TTC23L: variants seen among roughly 807,000 people sequenced by gnomAD.
TTC23L encodes tetratricopeptide repeat protein 23-like.
TTC23L carries 42 observed loss-of-function variants against 48.1 expected under a neutral mutation model. The ratio of observed to expected loss-of-function variants is 0.87; its 90% CI spans 0.68 to 1.13. The LOEUF (loss-of-function observed/expected upper bound fraction) is 1.13, where lower values mean the gene tolerates loss of function less well. TTC23L is among the 50% of genes most tolerant of loss of function. The pLI, the probability that TTC23L is intolerant of heterozygous loss-of-function variation, is 0.00. For missense variants in TTC23L, 391 were observed against 421.0 expected (o/e 0.93, Z 0.62); for synonymous variants, 159 against 157.2 (o/e 1.01, Z -0.09).
At position 34,863,092 on chromosome 5, in the gene TTC23L, C is replaced by T; in HGVS notation, c.536+38C>T. The T allele has an allele frequency of 4.3e-6, 7 of 1,610,994 alleles. No individual in the cohort carries two copies. The highest frequency in any genetic ancestry group is 5.9e-6 in the Non-Finnish European group (7 of 1,178,178). ...TCCTAGCTGCGTTTAGTGTTCGGGG[C>T]CACAGGCCACACATGCCAGATGGGT... On this transcript the variant is annotated intron_variant, in intron 5 of 10. Transcript: ENST00000505624. The surrounding 1 kb of genome is among the most constrained non-coding windows in gnomAD (Gnocchi z 4.1).
intron 8 of TTC23L, among the ~76,000 whole-genome samples, chr5:34,870,925 C>T (rs778260828): frequency 2.3e-4 from 35 of 152,280 alleles, no homozygotes; most frequent in Middle Eastern, 6.8e-3. Context: ...TGACAATATT[C>T]GACATCCATT....
intron 4 of TTC23L, among the ~76,000 whole-genome samples, chr5:34,851,970 G>T (rs1759708677): frequency 6.6e-6 from 1 of 152,120 alleles, no homozygotes; most frequent in Admixed American, 6.5e-5. Flanking sequence ...GGAAAGTCAG[G>T]GAAGGCTGCC....
rs192287585 is a variant in TTC23L at position 34,852,090 on chromosome 5, G to T, written c.379+1782G>T. On this transcript the variant is annotated intron_variant, in intron 4 of 10. Coordinates refer to ENST00000505624, the Ensembl canonical transcript of TTC23L. The stretch of plus-strand genomic sequence containing the variant: ...TGTAGAGATAAGGTCTTTCTACGTT[G>T]CCCAGGCCGATCTCAAATTCCTGGC... Among the ~76,000 whole-genome samples the T allele has an allele frequency of 3.2e-3, 490 of 152,180 alleles. 4 individuals are homozygous for T. The highest frequency in any genetic ancestry group is 0.012 in the African/African-American group (480 of 41,502).
At chr5:34,864,945 A>G (rs940268378) in intron 6 of TTC23L, among the ~76,000 whole-genome samples, 1 of 152,098 alleles carries the variant, frequency 6.6e-6, no homozygotes, top group African/African-American at 2.4e-5. Context: ...ATTGCCACCT[A>G]TTTTTGTCAT....
At chr5:34,915,955 G>C in the TTC23L span, 1 of 1,477,908 alleles carries the variant, frequency 6.8e-7, no homozygotes, top group Non-Finnish European at 9.0e-7. Flanking sequence ...GCCTTTTCTT[G>C]GGTTACTTAC....
the TTC23L span, among the ~76,000 whole-genome samples, chr5:34,924,618 A>G: frequency 6.6e-6 from 1 of 152,192 alleles, no homozygotes; most frequent in African/African-American, 2.4e-5. Context: ...AAATCTAATT[A>G]CTCAATTTTA....
intron 3 of TTC23L, among the ~76,000 whole-genome samples, chr5:34,847,887 C>G (rs1363234244): frequency 6.6e-6 from 1 of 152,146 alleles, no homozygotes; most frequent in Non-Finnish European, 1.5e-5. Flanking sequence ...GGAGTGTATT[C>G]CTTGGAATAA....
Position 34,867,980 on chromosome 5 carries a change from T to C in TTC23L, c.840+911T>C, listed in dbSNP as rs1463536762. ...ATGAATAAAACAATAAATAGCAGTG[T>C]TTCCCAAAAGCACCAAAAGATAAGA... On this transcript the variant is annotated intron_variant, in intron 7 of 10. Coordinates refer to ENST00000505624, the Ensembl canonical transcript of TTC23L. The C allele has an allele frequency of 3.9e-5, 6 of 152,228 alleles. No homozygotes were observed. In the East Asian group the frequency reaches 5.8e-4, roughly 15 times the overall value. The allele number at this position is 152,228 out of a possible 1,614,324, so 9.4% of individuals were successfully genotyped here. A position where few individuals can be genotyped will look rare whatever the true frequency, so the allele number is the denominator to read the frequency against.
chr5:34,863,005 CT>C lies in TTC23L; in HGVS notation c.488del (p.Leu163ArgfsTer32), dbSNP rs746574162. The C allele has an allele frequency of 7.7e-5, 124 of 1,613,866 alleles. No individual in the cohort carries two copies. The highest frequency in any genetic ancestry group is 1.0e-4 in the Non-Finnish European group (118 of 1,179,906). ...GGAGAAAGAGGAAATCCTGGAAGCT[CT>C]GGTCAAGCTGTACTACACTCTGGGC... On this transcript the variant is annotated frameshift_variant, in exon 5 of 11. Coordinates refer to ENST00000505624, the Ensembl canonical transcript of TTC23L. LOFTEE classifies it high-confidence loss of function. This position sits in a 1 kb window ranked among gnomAD's most constrained non-coding sequence, Gnocchi z 4.1.
At chr5:34,865,677 A>G (rs1249185799) in intron 6 of TTC23L, among the ~76,000 whole-genome samples, 1 of 152,202 alleles carries the variant, frequency 6.6e-6, no homozygotes. Context: ...TACTTAGTCC[A>G]CATGACAGCC....
intron 5 of TTC23L, 84 bp from the exon 6 acceptor site, chr5:34,864,353 A>G (rs1345291095): frequency 1.3e-6 from 2 of 1,492,466 alleles, no homozygotes; most frequent in African/African-American, 2.8e-5. Flanking sequence ...CTTTTCCAAG[A>G]GCCCCTTTTG....
chr5:34,896,516 T>C (rs1029672065), intron 9 of TTC23L, among the ~76,000 whole-genome samples: 1 of 152,208 alleles, frequency 6.6e-6, no homozygotes, highest in African/African-American at 2.4e-5. Context: ...TCTTCATTCA[T>C]TCCTTTAACA....
the TTC23L span, among the ~76,000 whole-genome samples, chr5:34,917,552 A>G: frequency 6.6e-6 from 1 of 152,054 alleles, no homozygotes; most frequent in Non-Finnish European, 1.5e-5. Context: ...AGGCAGGAGA[A>G]TCGCTTGAAC....
intron 6 of TTC23L, among the ~76,000 whole-genome samples, chr5:34,866,293 A>G (rs1400003512): frequency 1.3e-5 from 2 of 152,242 alleles, no homozygotes; most frequent in African/African-American, 4.8e-5. Context: ...TATGTGGATC[A>G]CAGTCTAAGT....
At chr5:34,853,341 G>C (rs111647230) in intron 4 of TTC23L, among the ~76,000 whole-genome samples, 13,560 of 152,142 alleles carry the variant, frequency 0.089, 951 homozygotes, top group South Asian at 0.14. Context: ...GACCAGCTTG[G>C]TCAACATGGT....
At chr5:34,916,061 G>A in the TTC23L span, 2 of 779,722 alleles carry the variant, frequency 2.6e-6, no homozygotes, top group African/African-American at 3.6e-5. Flanking sequence ...GGAGTTTGCA[G>A]CTAATCCTTG....
the TTC23L span, chr5:34,921,991 G>T: frequency 7.8e-6 from 2 of 255,928 alleles, no homozygotes; most frequent in African/African-American, 2.2e-5. Flanking sequence ...AAATATGATA[G>T]ATAATTTCAC....
intron 9 of TTC23L, among the ~76,000 whole-genome samples, chr5:34,884,041 A>G (rs1762401699): frequency 6.6e-6 from 1 of 152,212 alleles, no homozygotes; most frequent in Non-Finnish European, 1.5e-5. Context: ...ACAGCACATT[A>G]AAAGAGTCAT....
the TTC23L span, chr5:34,923,256 A>G: frequency 6.7e-7 from 1 of 1,487,328 alleles, no homozygotes; most frequent in East Asian, 2.3e-5. Context: ...TTGATTTTTA[A>G]TTATACCTTT....
Sources: allele counts gnomAD v4.1 joint callset (sites outside exome capture counted in the v4.1 genomes callset), GRCh38; gene constraint gnomAD v4.1.1; non-coding constraint Gnocchi (gnomAD v3.1); transcripts MANE v1.5; gene names NCBI Gene and HGNC (gene_info 2026-07-23, HGNC 2026-07-21).